The following SP3 variants were observed in gnomAD, a reference collection of about 807,000 sequenced individuals.
SP3 encodes the protein Sp3 transcription factor.
SP3 carries 10 observed loss-of-function variants against 70.3 expected under a neutral mutation model. That is an observed-to-expected ratio of 0.14 (90% CI 0.09 to 0.24). The LOEUF is 0.24. SP3 is among the 10% of genes least tolerant of loss of function. The pLI, the probability that SP3 is intolerant of heterozygous loss-of-function variation, is 1.00. For missense variants in SP3, 825 were observed against 914.6 expected, an observed-to-expected ratio of 0.90 and a Z score of 1.26; for synonymous variants, 402 against 333.5, an observed-to-expected ratio of 1.21 and a Z score of -2.24.
intron 3 of SP3, among the ~76,000 whole-genome samples, chr2:173,959,259 A>G (rs1253298450): frequency 6.6e-6 from 1 of 152,162 alleles, no homozygotes; most frequent in Non-Finnish European, 1.5e-5. Context: ...TCTTTGTAAA[A>G]GAAATTTCAT....
chr2:173,918,793 G>GAA lies in SP3; in HGVS notation c.1640-10_1640-9dup. The GAA allele has an allele frequency of 6.4e-7, 1 of 1,555,324 alleles. No individual in the cohort carries two copies. The highest frequency in any genetic ancestry group is 1.2e-5 in the South Asian group (1 of 82,290). ...CTTCCTTGATCCTAATATCTAAAGGGAAAAAAAAACCAAATACAGATGAGA... is the reference window on the plus strand; with the variant it reads ...CTTCCTTGATCCTAATATCTAAAGGGAAAAAAAAAAACCAAATACAGATGAGA... On this transcript the variant is annotated splice_polypyrimidine_tract_variant and intron_variant, in intron 4 of 6. Coordinates refer to ENST00000310015, the MANE Select transcript of SP3 (RefSeq NM_003111.5).
At position 173,904,197 on chromosome 2, in the gene SP3, G is replaced by A. The variant is rs1689250362; in HGVS notation, c.*5744C>T. ...AATGCTCGCTTACCTCCTGCTGTAT[G>A]GCCTGGTTCCTCACAGACCAGGGAC... On this transcript the variant is annotated 3_prime_UTR_variant, in exon 7 of 7. Transcript: ENST00000310015. Among the ~76,000 whole-genome samples the A allele has an allele frequency of 6.6e-6, 1 of 152,116 alleles. No homozygotes were observed. Among genetic ancestry groups the A allele is most frequent in the African/African-American group, 2.4e-5 (1 of 41,416 alleles).
In SP3 at chr2:173,955,585, T is replaced by C. The variant is rs1690854746; in HGVS notation, c.927A>G (p.Ser309=). Residue 309 remains serine, a synonymous_variant, in exon 4 of 7, where the codon TCA becomes TCG. Transcript: ENST00000310015. ...TGQAMDSSDN[S]ERTGERVSPD... is the part of the protein sequence containing the mutation. ...GAGAAACCCGCTCACCAGTCCTTTC[T>C]GAATTGTCTGAACTATCCATAGCTT... 1.2e-6 allele frequency: 2 copies of C among 1,614,084 alleles called. No individual in the cohort carries two copies. Among genetic ancestry groups the C allele is most frequent in the Non-Finnish European group, 1.7e-6 (2 of 1,180,048 alleles).
intron 4 of SP3, among the ~76,000 whole-genome samples, chr2:173,949,621 T>G (rs1207599220): frequency 6.6e-6 from 1 of 152,070 alleles, no homozygotes; most frequent in African/African-American, 2.4e-5. Flanking sequence ...CCATAAGAGA[T>G]CCATCCCTCT....
rs1691172789 is a variant in SP3 at position 173,963,880 on chromosome 2, T to G, written c.160A>C (p.Thr54Pro). The G allele has an allele frequency of 2.0e-6, 3 of 1,503,040 alleles. No homozygotes were observed. The highest frequency in any genetic ancestry group is 2.7e-6 in the Non-Finnish European group (3 of 1,124,100). The allele number at this position is 1,503,040 out of a possible 1,614,324, so 93.1% of individuals were successfully genotyped here. The change falls in exon 3 of 7, where the codon ACT (threonine) becomes CCT (proline). Residue 54 changes from threonine (T) to proline (P), a missense_variant. Thr to Pro is a conservative substitution (Grantham distance 38). This residue lies in a region of SP3 where 678 missense variants were observed against 651.6 expected (regional missense o/e 1.04). Coordinates refer to ENST00000310015, the MANE Select transcript of SP3 (RefSeq NM_003111.5). ...AGCAGAGCGAGCGGTGACGGCTGAGTGTCCTACCCCCAATGGGCGGGTTCA... is the reference window on the plus strand; with the variant it reads ...AGCAGAGCGAGCGGTGACGGCTGAGGGTCCTACCCCCAATGGGCGGGTTCA... ...AVAAAAAAQD[T>P]QPSPLALLAA...
At position 173,910,196 on chromosome 2, in the gene SP3, G is replaced by A. The variant is rs1689440059; in HGVS notation, c.2091C>T (p.Ala697=). 6.2e-7 allele frequency: 1 copy of A among 1,613,890 alleles called. No individual in the cohort carries two copies. The highest frequency in any genetic ancestry group is 8.5e-7 in the Non-Finnish European group (1 of 1,179,870). ...SKRFMRSDHL[A]KHIKTHQNKK... ...TATTCTGGTGTGTTTTAATATGTTT[G>A]GCAAGGTGGTCACTTCTCATAAAGC... is the stretch of plus-strand genomic sequence containing the variant. Residue 697 remains alanine (A), a synonymous_variant, in exon 7 of 7, where the codon GCC becomes GCT. Coordinates refer to ENST00000310015, the MANE Select transcript of SP3 (RefSeq NM_003111.5).
intron 5 of SP3, chr2:173,916,144 T>C (rs1325050935): frequency 6.6e-6 from 1 of 152,110 alleles, no homozygotes; most frequent in African/African-American, 2.4e-5. Flanking sequence ...TTGAATTTTG[T>C]TCAAACAAGC....
chr2:173,962,323 A>G (rs1190365852), intron 3 of SP3, among the ~76,000 whole-genome samples: 2 of 152,226 alleles, frequency 1.3e-5, no homozygotes, highest in African/African-American at 2.4e-5. Context: ...GAAATACAAA[A>G]AAGATCAGGA....
chr2:173,906,451 C>CA lies in SP3; in HGVS notation c.*3489dup, dbSNP rs749604085. The stretch of plus-strand genomic sequence containing the variant: ...GACAACAAAAGACTTAGTACTCATT[C>CA]ATGGCAGTCAGTTTTAAACATACTG... On this transcript the variant is annotated 3_prime_UTR_variant, in exon 7 of 7. Transcript: ENST00000310015. 1 of 152,160 alleles carries CA rather than the reference C, an allele frequency of 6.6e-6. No individual in the cohort carries two copies. The highest frequency in any genetic ancestry group is 2.4e-5 in the African/African-American group (1 of 41,426). The allele number at this position is 152,160 out of a possible 1,614,324, so 9.4% of individuals were successfully genotyped here.
rs1691257728 is a variant in SP3 at position 173,965,260 on chromosome 2, A to AGCG, written c.-92_-90dup. On this transcript the variant is annotated 5_prime_UTR_variant, in exon 1 of 7. Transcript: ENST00000310015. ...GGCGGCGGCGGGAGAGGATGCGGGA[A>AGCG]GCGGCGGCGGACACGGCCGGAGCGG... is the stretch of plus-strand genomic sequence containing the variant. 4 of 1,459,928 alleles carry AGCG rather than the reference A, an allele frequency of 2.7e-6. No homozygotes were observed. The South Asian group carries it at 3.7e-5, about 13-fold the overall frequency. 90.4% of individuals were successfully genotyped at this position (1,459,928 alleles called of 1,614,324 possible).
chr2:173,915,251 G>A (rs1039627339), intron 5 of SP3: 1 of 151,942 alleles, frequency 6.6e-6, no homozygotes, highest in African/African-American at 2.4e-5. Flanking sequence ...CATAGGGGCG[G>A]GGTTGCACAC....
intron 3 of SP3, among the ~76,000 whole-genome samples, chr2:173,958,175 T>C (rs537511478): frequency 3.3e-5 from 5 of 151,920 alleles, no homozygotes; most frequent in East Asian, 1.9e-4. Context: ...TCAAAGAATA[T>C]AGTAACTCAG....
chr2:173,945,489 C>A (rs1690510732), intron 4 of SP3, among the ~76,000 whole-genome samples: 1 of 151,902 alleles, frequency 6.6e-6, no homozygotes, highest in African/African-American at 2.4e-5. Context: ...GATTAATATC[C>A]CAGACATATA....
intron 4 of SP3, among the ~76,000 whole-genome samples, chr2:173,930,064 C>G (rs1048971560): frequency 6.6e-6 from 1 of 152,132 alleles, no homozygotes; most frequent in Non-Finnish European, 1.5e-5. Context: ...GTTTACCTGG[C>G]TTTAGCAGGG....
At chr2:173,949,181 G>A (rs1690634452) in intron 4 of SP3, among the ~76,000 whole-genome samples, 1 of 152,048 alleles carries the variant, frequency 6.6e-6, no homozygotes, top group African/African-American at 2.4e-5. Context: ...AATAGGGTTG[G>A]CCTTTTAGCA....
Position 173,903,946 on chromosome 2 carries a change from T to C in SP3, c.*5995A>G, listed in dbSNP as rs1483251089. On this transcript the variant is annotated 3_prime_UTR_variant, in exon 7 of 7. Transcript: ENST00000310015. The stretch of plus-strand genomic sequence containing the variant: ...CCTAGGACGGCGGTCCCCAAACTTT[T>C]TGGCACCAGGGACTAGTTTTGAGGA... Among the ~76,000 whole-genome samples, 1 of 149,602 alleles carries C rather than the reference T, an allele frequency of 6.7e-6. No individual in the cohort carries two copies. The highest frequency in any genetic ancestry group is 1.5e-5 in the Non-Finnish European group (1 of 67,766).
At chr2:173,911,425 T>G (rs1689479647) in intron 6 of SP3, among the ~76,000 whole-genome samples, 1 of 152,202 alleles carries the variant, frequency 6.6e-6, no homozygotes, top group Admixed American at 6.5e-5. Context: ...ACTAAAGTAT[T>G]TCCCAGTTTC....
chr2:173,944,011 A>G (rs1022845950), intron 4 of SP3, among the ~76,000 whole-genome samples: 13 of 152,250 alleles, frequency 8.5e-5, no homozygotes, highest in African/African-American at 2.9e-4. Flanking sequence ...ATATCTAAAC[A>G]TAACAGAAAA....
chr2:173,964,276 C>CG (rs1214572363), intron 2 of SP3, 129 bp downstream of exon 2: 2 of 442,762 alleles, frequency 4.5e-6, no homozygotes, highest in Middle Eastern at 5.4e-4. Flanking sequence ...GCTCCCGGGG[C>CG]GGGGGGAGGG....
Sources: gnomAD v4.1 joint callset for allele counts (sites outside exome capture counted in the v4.1 genomes callset) on GRCh38, gnomAD v4.1.1 for gene constraint, gnomAD v4.1.1 regional missense constraint, MANE v1.5 for transcripts, NCBI Gene and HGNC (gene_info 2026-07-23, HGNC 2026-07-21) for gene names.